TENM1: variants seen among roughly 807,000 people sequenced by gnomAD.
The protein encoded by TENM1 is teneurin-1.
TENM1 carries 35 observed loss-of-function variants against 174.8 expected under a neutral mutation model. The ratio of observed to expected loss-of-function variants is 0.20; its 90% CI spans 0.15 to 0.27. The LOEUF (loss-of-function observed/expected upper bound fraction) is 0.27, where lower values mean the gene tolerates loss of function less well. TENM1 is among the 10% of genes least tolerant of loss of function. TENM1 has a pLI of 1.00. For missense variants in TENM1, 1,633 were observed against 2,130.1 expected (o/e 0.77, Z 4.59); for synonymous variants, 781 against 798.7 (o/e 0.98, Z 0.37).
chrX:124,502,128 T>C (rs1284019307), intron 19 of TENM1, among the ~76,000 whole-genome samples: 2 of 112,264 alleles, frequency 1.8e-5, no homozygotes, highest in East Asian at 5.6e-4. Context: ...ACTACAAATT[T>C]ACTAAAAATC....
At chrX:124,956,732 C>T (rs2058579353) in intron 1 of TENM1, among the ~76,000 whole-genome samples, 1 of 112,094 alleles carries the variant, frequency 8.9e-6, no homozygotes, top group Admixed American at 9.5e-5. Context: ...GCATAGTATG[C>T]TCACAGCAGA....
At chrX:125,143,552 C>T in the TENM1 span, among the ~76,000 whole-genome samples, 4 of 111,208 alleles carry the variant, frequency 3.6e-5, no homozygotes, top group Admixed American at 1.9e-4. Flanking sequence ...TTAAAAGCAC[C>T]TATCACCAAA....
chrX:124,681,358 T>C lies in TENM1; in HGVS notation c.1016-9523A>G, dbSNP rs188965538. Among the ~76,000 whole-genome samples the C allele has an allele frequency of 1.3e-4, 14 of 111,661 alleles. No homozygotes were observed. The East Asian group carries it at 1.7e-3, about 13-fold the overall frequency. On this transcript the variant is annotated intron_variant, in intron 5 of 31. Transcript: ENST00000422452. ...GGTAGAGAGAGTGAAGTGGTGATTATAAGGACCCAGTTTGTTCTGGGTTTT... is the reference window on the plus strand; with the variant it reads ...GGTAGAGAGAGTGAAGTGGTGATTACAAGGACCCAGTTTGTTCTGGGTTTT...
chrX:125,099,656 C>G, the TENM1 span, among the ~76,000 whole-genome samples: 1 of 111,535 alleles, frequency 9.0e-6, no homozygotes, highest in East Asian at 2.8e-4. Context: ...GGGATGCATT[C>G]TGTGTGTCTA....
At chrX:125,144,528 C>A in the TENM1 span, among the ~76,000 whole-genome samples, 1 of 111,438 alleles carries the variant, frequency 9.0e-6, no homozygotes, top group African/African-American at 3.3e-5. Flanking sequence ...TCCCTCTGTC[C>A]TCCCCTCTCT....
rs781266777 is a variant in TENM1, at chrX:124,486,301, ATCACT to A, written c.3716+903_3716+907del. ...AGCAATGCTCTTCAACTTAGCAAAG[ATCACT>A]TCATTCATACTAGTTAAAAATCACA... On this transcript the variant is annotated intron_variant, in intron 21 of 31. Transcript: ENST00000422452. Among the ~76,000 whole-genome samples, 431 of 112,621 alleles carry A rather than the reference ATCACT, an allele frequency of 3.8e-3. 3 individuals are homozygous for A. Among genetic ancestry groups the A allele is most frequent in the Non-Finnish European group, 6.6e-3 (351 of 53,291 alleles).
intron 18 of TENM1, 147 bp from the exon 22 acceptor site, chrX:124,503,850 A>G (rs1308966302): frequency 1.2e-5 from 6 of 501,204 alleles, no homozygotes; most frequent in Non-Finnish European, 2.0e-5. Flanking sequence ...CACCTAGCAC[A>G]GTACAACATT....
intron 11 of TENM1, among the ~76,000 whole-genome samples, chrX:124,637,093 CTT>C (rs747497256): frequency 5.9e-5 from 6 of 101,993 alleles, no homozygotes; most frequent in Non-Finnish European, 4.0e-5. Flanking sequence ...TTCTTTCTTT[CTT>C]TTTTTTTTTT....
intron 3 of TENM1, among the ~76,000 whole-genome samples, chrX:124,816,814 T>G (rs1249985462): frequency 9.0e-6 from 1 of 111,303 alleles, no homozygotes; most frequent in Non-Finnish European, 1.9e-5. Flanking sequence ...GCCATTTTCC[T>G]CTTTTTATTT....
At chrX:124,926,001 T>C (rs2057830380) in intron 1 of TENM1, among the ~76,000 whole-genome samples, 1 of 112,253 alleles carries the variant, frequency 8.9e-6, no homozygotes, top group African/African-American at 3.2e-5. Flanking sequence ...TGGAAACCAA[T>C]ACTTCTATAT....
At chrX:124,418,164 C>T (rs2060614084) in intron 25 of TENM1, among the ~76,000 whole-genome samples, 1 of 112,461 alleles carries the variant, frequency 8.9e-6, no homozygotes, top group African/African-American at 3.2e-5. Context: ...AATTCAAAGT[C>T]TTTACAGTGG....
At chrX:124,969,861 T>G in the TENM1 span, among the ~76,000 whole-genome samples, 2 of 112,228 alleles carry the variant, frequency 1.8e-5, no homozygotes, top group African/African-American at 6.5e-5. Flanking sequence ...GATTGGATTA[T>G]CTCAAAGAAC....
the TENM1 span, among the ~76,000 whole-genome samples, chrX:125,194,079 C>T: frequency 1.1e-4 from 12 of 111,554 alleles, no homozygotes; most frequent in Admixed American, 4.8e-4. Context: ...CCAGTGCGCC[C>T]AGCCAGATCT....
chrX:124,551,767 A>G (rs2048579409), intron 14 of TENM1, among the ~76,000 whole-genome samples: 1 of 112,361 alleles, frequency 8.9e-6, no homozygotes. Flanking sequence ...ACTATCTAGT[A>G]CATAACCAGC....
chrX:125,066,304 T>C, the TENM1 span, among the ~76,000 whole-genome samples: 1 of 111,759 alleles, frequency 8.9e-6, no homozygotes, highest in African/African-American at 3.3e-5. Flanking sequence ...ACTACTTCCC[T>C]AGTTCTATCT....
chrX:124,392,583 T>C (rs948573258), intron 27 of TENM1, among the ~76,000 whole-genome samples: 1 of 111,239 alleles, frequency 9.0e-6, no homozygotes, highest in African/African-American at 3.3e-5. Flanking sequence ...TCTCAATAGG[T>C]GGTTGTTGAT....
At chrX:124,793,361 G>A (rs2055224272) in intron 3 of TENM1, among the ~76,000 whole-genome samples, 1 of 111,346 alleles carries the variant, frequency 9.0e-6, no homozygotes, top group Non-Finnish European at 1.9e-5. Context: ...ACTGGAAGCA[G>A]GTATCTTAAT....
the TENM1 span, among the ~76,000 whole-genome samples, chrX:125,054,314 G>C: frequency 9.1e-6 from 1 of 109,927 alleles, no homozygotes; most frequent in Non-Finnish European, 1.9e-5. Flanking sequence ...GTTTACTGAG[G>C]CTTCCCCAGC....
the TENM1 span, among the ~76,000 whole-genome samples, chrX:124,993,364 G>A: frequency 1.3e-4 from 14 of 110,729 alleles, no homozygotes; most frequent in East Asian, 5.6e-4. Context: ...CCCAATTGCC[G>A]TAGTCTATAT....
Sources: allele counts gnomAD v4.1 joint callset (sites outside exome capture counted in the v4.1 genomes callset), GRCh38; gene constraint gnomAD v4.1.1; transcripts MANE v1.5; gene names NCBI Gene and HGNC (gene_info 2026-07-23, HGNC 2026-07-21).